Variants in STEEP1 observed in about 807,000 individuals in gnomAD.
The protein encoded by STEEP1 is STING1 ER exit protein 1, also known as STING ER exit protein.
STEEP1 carries 3 observed loss-of-function variants against 19.2 expected under a neutral mutation model. The ratio of observed to expected loss-of-function variants is 0.16; its 90% confidence interval spans 0.07 to 0.40. STEEP1 has a LOEUF of 0.40. STEEP1 is among the 10% of genes least tolerant of loss of function. The pLI is 0.99. For missense variants in STEEP1, 54 were observed against 177.1 expected (o/e 0.30, Z 3.94); for synonymous variants, 46 against 63.7 (o/e 0.72, Z 1.32).
chrX:119,542,863 C>T (rs2053173972), intron 4 of STEEP1: 1 of 206,588 alleles, frequency 4.8e-6, no homozygotes, highest in Admixed American at 7.5e-5. Flanking sequence ...TACAGTGGCA[C>T]AATCATAGCT....
In STEEP1 at chrX:119,553,085, C is replaced by A. The variant is rs917896917; in HGVS notation, c.242+7183G>T. On this transcript the variant is annotated intron_variant, in intron 2 of 6. Coordinates refer to ENST00000644802, the MANE Select transcript of STEEP1 (RefSeq NM_022101.4). ...GGAAGAATTACTTGAACCTGGGAGG[C>A]GGAGGTTACAGTGAACGGAGATCGC... Among the ~76,000 whole-genome samples the A allele has an allele frequency of 2.9e-5, 3 of 104,034 alleles. No individual in the cohort carries two copies. The Admixed American group carries it at 3.3e-4, about 11-fold the overall frequency. The allele number at this position is 104,034 out of a possible 115,157, so 90.3% of individuals were successfully genotyped here.
chrX:119,543,700 T>C (rs2053181021), intron 4 of STEEP1, among the ~76,000 whole-genome samples: 1 of 110,212 alleles, frequency 9.1e-6, no homozygotes, highest in Admixed American at 9.8e-5. Flanking sequence ...CAGGCTGGTC[T>C]CAAACTCCTG....
intron 2 of STEEP1, among the ~76,000 whole-genome samples, chrX:119,551,214 C>T (rs1347210775): frequency 1.8e-5 from 2 of 110,714 alleles, no homozygotes; most frequent in African/African-American, 6.6e-5. Context: ...GGTGCGGCGG[C>T]TCACACCTGT....
At position 119,549,953 on chromosome X, in the gene STEEP1, A is replaced by T. The variant is rs757712038; in HGVS notation, c.243-4449T>A. The stretch of plus-strand genomic sequence containing the variant: ...CTTTCCCCCTAAAATCAGGAACAAG[A>T]TAAAGATGCCACTCTCACTACTTCT... On this transcript the variant is annotated intron_variant, in intron 2 of 6. Transcript: ENST00000644802. 6.2e-5 allele frequency among the ~76,000 whole-genome samples: 7 copies of T among 112,377 alleles called. No homozygotes were observed. In the East Asian group the frequency reaches 1.9e-3, roughly 31 times the overall value.
At position 119,563,548 on chromosome X, in the gene STEEP1, C is replaced by CA. The variant is rs1311107554; in HGVS notation, c.124+1683dup. Among the ~76,000 whole-genome samples, 532 of 55,157 alleles carry CA rather than the reference C, an allele frequency of 9.6e-3. 12 individuals carry two copies. Among genetic ancestry groups the CA allele is most frequent in the African/African-American group, 0.034 (494 of 14,357 alleles). 47.9% of individuals were successfully genotyped at this position (55,157 alleles called of 115,157 possible). On this transcript the variant is annotated intron_variant, in intron 1 of 6. Coordinates refer to ENST00000644802, the MANE Select transcript of STEEP1 (RefSeq NM_022101.4). ...GGGCAAGAAGAGCGAAACTCCATCTCAAAAAAAAAAAGAAAAAAAAAAAAA... is the reference window on the plus strand; with the variant it reads ...GGGCAAGAAGAGCGAAACTCCATCTCAAAAAAAAAAAAGAAAAAAAAAAAAA...
rs907170780 is a variant in STEEP1, at chrX:119,545,522, G to A, written c.243-18C>T. The A allele has an allele frequency of 4.5e-6, 5 of 1,110,771 alleles. No homozygotes were observed. The highest frequency in any genetic ancestry group is 6.2e-6 in the Non-Finnish European group (5 of 806,974). 91.5% of individuals were successfully genotyped at this position (1,110,771 alleles called of 1,213,427 possible). A position where few individuals can be genotyped will look rare whatever the true frequency, so the allele number is the denominator to read the frequency against. ...CTTCAGGTCTGCACAGAAAATGGAA[G>A]TTAAAAAGATATGAACAAATCTCAT... On this transcript the variant is annotated intron_variant, in intron 2 of 6. Coordinates refer to ENST00000644802, the MANE Select transcript of STEEP1 (RefSeq NM_022101.4).
At chrX:119,544,812 G>C (rs982794562) in intron 3 of STEEP1, among the ~76,000 whole-genome samples, 2 of 110,704 alleles carry the variant, frequency 1.8e-5, no homozygotes, top group African/African-American at 6.6e-5. Flanking sequence ...ATGGTGGCAG[G>C]TGCCTGTAAT....
chrX:119,548,015 T>C (rs923971221), intron 2 of STEEP1, among the ~76,000 whole-genome samples: 16 of 107,469 alleles, frequency 1.5e-4, no homozygotes, highest in Non-Finnish European at 2.5e-4. Flanking sequence ...CTACTAAAAA[T>C]ACAAAAATTA....
At chrX:119,548,214 C>T (rs1304487274) in intron 2 of STEEP1, among the ~76,000 whole-genome samples, 1 of 109,563 alleles carries the variant, frequency 9.1e-6, no homozygotes, top group Non-Finnish European at 1.9e-5. Flanking sequence ...ATGAGATATC[C>T]TCTCATTCCA....
intron 2 of STEEP1, among the ~76,000 whole-genome samples, chrX:119,556,457 C>T (rs1209920057): frequency 9.1e-6 from 1 of 110,075 alleles, no homozygotes; most frequent in African/African-American, 3.3e-5. Flanking sequence ...GTTGCAGGCA[C>T]CTGTAGTCCC....
intron 2 of STEEP1, 74 bp downstream of exon 2, chrX:119,560,194 G>A (rs2053311448): frequency 6.9e-6 from 5 of 722,799 alleles, no homozygotes; most frequent in Non-Finnish European, 1.1e-5. Context: ...AACAATAGAT[G>A]TGATATTTAT....
chrX:119,541,764 T>A (rs2053162381), intron 5 of STEEP1, among the ~76,000 whole-genome samples: 1 of 111,740 alleles, frequency 8.9e-6, no homozygotes, highest in African/African-American at 3.3e-5. Context: ...GCAGATGACA[T>A]CTTGCCATCA....
At chrX:119,560,904 T>C (rs972047368) in intron 1 of STEEP1, among the ~76,000 whole-genome samples, 3 of 109,599 alleles carry the variant, frequency 2.7e-5, no homozygotes, top group African/African-American at 1.0e-4. Context: ...GGCAGGGCGA[T>C]TGCTTGAGAC....
intron 2 of STEEP1, among the ~76,000 whole-genome samples, chrX:119,554,163 G>A (rs951224695): frequency 4.5e-5 from 5 of 112,134 alleles, no homozygotes; most frequent in African/African-American, 6.5e-5. Flanking sequence ...AAACATTCTC[G>A]GCCGGGCACG....
chrX:119,538,214 G>T lies in STEEP1; in HGVS notation c.*1513C>A, dbSNP rs1294426200. On this transcript the variant is annotated 3_prime_UTR_variant, in exon 7 of 7. Transcript: ENST00000644802. ...ACATGGATACAAACACATGGATATA[G>T]GTATCATTGAAGCAGTGTGACATAA... 6.7e-5 allele frequency: 8 copies of T among 119,632 alleles called. No individual in the cohort carries two copies. The highest frequency in any genetic ancestry group is 1.3e-4 in the Non-Finnish European group (8 of 60,780). The allele number at this position is 119,632 out of a possible 1,213,427, so 9.9% of individuals were successfully genotyped here.
intron 2 of STEEP1, among the ~76,000 whole-genome samples, chrX:119,557,478 C>CAAAAAAAAAAAAAA (rs55913451): frequency 1.6e-4 from 11 of 68,950 alleles, no homozygotes; most frequent in East Asian, 4.1e-4. Context: ...CACACCATCT[C>CAAAAAAAAAAAAAA]AAAAAAAAAA....
At chrX:119,548,143 G>C (rs2053218462) in intron 2 of STEEP1, among the ~76,000 whole-genome samples, 1 of 110,961 alleles carries the variant, frequency 9.0e-6, no homozygotes, top group South Asian at 3.8e-4. Flanking sequence ...CTGCACTCCA[G>C]CCTGGACAAC....
At chrX:119,542,705 C>A in intron 4 of STEEP1, 111 bp from the exon 5 acceptor site, 1 of 476,954 alleles carries the variant, frequency 2.1e-6, no homozygotes, top group Admixed American at 2.9e-5. Context: ...GGGGGAAACA[C>A]TACCTCTTTG....
intron 2 of STEEP1, among the ~76,000 whole-genome samples, chrX:119,549,134 T>G (rs1383485377): frequency 9.0e-6 from 1 of 111,285 alleles, no homozygotes; most frequent in Non-Finnish European, 1.9e-5. Flanking sequence ...GCAAGATGAG[T>G]AAGTTTTGGA....
Sources: allele counts gnomAD v4.1 joint callset (sites outside exome capture counted in the v4.1 genomes callset), GRCh38; gene constraint gnomAD v4.1.1; transcripts MANE v1.5; gene names NCBI Gene and HGNC (gene_info 2026-07-23, HGNC 2026-07-21).